The following AP4S1 variants were observed in gnomAD, a reference collection of about 807,000 sequenced individuals.
AP4S1 encodes the protein adaptor related protein complex 4 subunit sigma 1.
In AP4S1, 23 loss-of-function variants were observed where a neutral mutation model predicts 19.8. The ratio of observed to expected loss-of-function variants is 1.16; its 90% CI spans 0.84 to 1.65. The LOEUF (loss-of-function observed/expected upper bound fraction) is 1.65. Ranked by LOEUF, AP4S1 falls within the 40% of genes most tolerant of loss-of-function variation. The pLI is 0.00. For synonymous variants in AP4S1, 46 were observed against 54.1 expected (o/e 0.85, Z 0.66); for missense variants, 166 against 172.8 (o/e 0.96, Z 0.22).
intron 1 of AP4S1, among the ~76,000 whole-genome samples, chr14:31,053,589 C>CTTTTTT (rs758966011): frequency 0.026 from 1,837 of 71,292 alleles, 12 homozygotes; most frequent in Non-Finnish European, 0.03. Context: ...TGACTTTTTT[C>CTTTTTT]TTTTTTTTTT....
At chr14:31,038,321 A>G (rs546502010) in intron 1 of AP4S1, among the ~76,000 whole-genome samples, 1 of 152,278 alleles carries the variant, frequency 6.6e-6, no homozygotes, top group South Asian at 2.1e-4. Flanking sequence ...ATTGTCCTAA[A>G]TTTTCACATT....
At position 31,037,107 on chromosome 14, in the gene AP4S1, C is replaced by T. The variant is rs142096664; in HGVS notation, c.-72+11320C>T. On this transcript the variant is annotated intron_variant, in intron 1 of 5. Transcript: ENST00000542754. ...GATTACAGGTGTCAGCCACCACGCC[C>T]GGCCAAGTCCTCTTTTTCTAACCTC... is the stretch of plus-strand genomic sequence containing the variant. Among the ~76,000 whole-genome samples the T allele has an allele frequency of 1.8e-3, 267 of 152,092 alleles. 1 individual carries two copies. Among genetic ancestry groups the T allele is most frequent in the African/African-American group, 4.6e-3 (190 of 41,496 alleles).
chr14:31,086,859 T>C (rs1887932096), intron 5 of AP4S1, among the ~76,000 whole-genome samples: 1 of 152,064 alleles, frequency 6.6e-6, no homozygotes, highest in Admixed American at 6.5e-5. Context: ...TAAAAATTAA[T>C]GTAAAAAAAT....
chr14:31,076,991 G>A (rs1208376943), intron 4 of AP4S1, among the ~76,000 whole-genome samples: 1 of 152,152 alleles, frequency 6.6e-6, no homozygotes, highest in Non-Finnish European at 1.5e-5. Context: ...GAGTGCAATG[G>A]CGTGATCTCG....
At chr14:31,052,243 G>T (rs933875681) in intron 1 of AP4S1, among the ~76,000 whole-genome samples, 4 of 152,184 alleles carry the variant, frequency 2.6e-5, no homozygotes, top group Admixed American at 6.6e-5. Flanking sequence ...CTGCACTCCA[G>T]CTTTGGTGAT....
chr14:31,049,509 A>G (rs1457098751), intron 1 of AP4S1, among the ~76,000 whole-genome samples: 2 of 144,874 alleles, frequency 1.4e-5, no homozygotes, highest in African/African-American at 5.1e-5. Flanking sequence ...ACACACACAC[A>G]TAAATTACCC....
intron 1 of AP4S1, among the ~76,000 whole-genome samples, chr14:31,040,671 GAC>G (rs904669163): frequency 4.6e-5 from 7 of 151,892 alleles, no homozygotes; most frequent in Non-Finnish European, 8.8e-5. Context: ...TAATTTTCGA[GAC>G]TATCATAAAA....
At chr14:31,042,167 C>T (rs1187644333) in intron 1 of AP4S1, among the ~76,000 whole-genome samples, 1 of 152,120 alleles carries the variant, frequency 6.6e-6, no homozygotes, top group Non-Finnish European at 1.5e-5. Flanking sequence ...TTACCCTTGG[C>T]ACTAAAACCA....
At chr14:31,055,011 G>C (rs1886027659) in intron 1 of AP4S1, among the ~76,000 whole-genome samples, 1 of 149,786 alleles carries the variant, frequency 6.7e-6, no homozygotes, top group Non-Finnish European at 1.5e-5. Flanking sequence ...AATAACATCA[G>C]ACAAATCCCA....
chr14:31,087,932 G>A (rs1406813145), intron 5 of AP4S1, among the ~76,000 whole-genome samples: 1 of 152,136 alleles, frequency 6.6e-6, no homozygotes, highest in Non-Finnish European at 1.5e-5. Context: ...ATATTAAATG[G>A]AAAGCCTCGT....
intron 1 of AP4S1, among the ~76,000 whole-genome samples, chr14:31,059,224 T>C (rs540111119): frequency 6.6e-5 from 10 of 152,340 alleles, no homozygotes; most frequent in Middle Eastern, 3.4e-3. Context: ...AAGAAAGATA[T>C]ATGCAAGTCT....
chr14:31,064,958 A>G (rs988250242), intron 1 of AP4S1, among the ~76,000 whole-genome samples: 2 of 152,172 alleles, frequency 1.3e-5, no homozygotes, highest in African/African-American at 4.8e-5. Context: ...TATCTCAAAA[A>G]TAAAGTAAGG....
At position 31,075,336 on chromosome 14, in the gene AP4S1, A is replaced by G. The variant is rs8016301; in HGVS notation, c.294+2363A>G. Reference sequence around the variant, plus strand: ...AACATAATGACCTTCAGTTCCATACATGTTTCTGCAAATGATAGGGTTTTA... The same window carrying G: ...AACATAATGACCTTCAGTTCCATACGTGTTTCTGCAAATGATAGGGTTTTA... On this transcript the variant is annotated intron_variant, in intron 4 of 5. Coordinates refer to ENST00000542754, the MANE Select transcript of AP4S1 (RefSeq NM_001128126.3). 7.8e-3 allele frequency among the ~76,000 whole-genome samples: 1,188 copies of G among 152,264 alleles called. 10 individuals are homozygous for G. Among genetic ancestry groups the G allele is most frequent in the African/African-American group, 0.027 (1,113 of 41,560 alleles).
chr14:31,043,040 G>A (rs1885195199), intron 1 of AP4S1, among the ~76,000 whole-genome samples: 1 of 152,060 alleles, frequency 6.6e-6, no homozygotes, highest in Admixed American at 6.6e-5. Context: ...GGCCGACATG[G>A]TGAAACCCTG....
chr14:31,077,534 G>A (rs1252029324), intron 4 of AP4S1, among the ~76,000 whole-genome samples: 1 of 152,078 alleles, frequency 6.6e-6, no homozygotes, highest in African/African-American at 2.4e-5. Context: ...ATTAGCATAG[G>A]TTGAGAACTT....
intron 1 of AP4S1, among the ~76,000 whole-genome samples, chr14:31,028,851 T>C (rs7143488): frequency 0.35 from 53,755 of 152,008 alleles, 10,226 homozygotes; most frequent in South Asian, 0.56. Flanking sequence ...CACTACACTG[T>C]AGCCTGGGTG....
intron 5 of AP4S1, chr14:31,083,475 C>T (rs1253219758): frequency 4.6e-6 from 2 of 438,618 alleles, no homozygotes; most frequent in Admixed American, 2.4e-5. Context: ...GGGCATGTGG[C>T]ACCTCTTTTC....
At chr14:31,065,233 A>G (rs1282187521) in intron 1 of AP4S1, among the ~76,000 whole-genome samples, 1 of 152,230 alleles carries the variant, frequency 6.6e-6, no homozygotes, top group Non-Finnish European at 1.5e-5. Context: ...CCTGAACTGC[A>G]GCCCCAGTGA....
At chr14:31,049,428 A>ATATATATATATACATAT (rs1555331101) in intron 1 of AP4S1, among the ~76,000 whole-genome samples, 1 of 57,768 alleles carries the variant, frequency 1.7e-5, no homozygotes, top group African/African-American at 7.9e-5. Flanking sequence ...AAAAAAAAAA[A>ATATATATATATACATAT]ATATATATAT....
Sources: gnomAD v4.1 joint callset for allele counts (sites outside exome capture counted in the v4.1 genomes callset) on GRCh38, gnomAD v4.1.1 for gene constraint, MANE v1.5 for transcripts, NCBI Gene and HGNC (gene_info 2026-07-23, HGNC 2026-07-21) for gene names.